CYRIB: variants seen among roughly 807,000 people sequenced by gnomAD.
CYRIB encodes the protein CYFIP related Rac1 interactor B, also known as CYFIP-related Rac1 interactor B.
CYRIB carries 8 observed loss-of-function variants against 44.2 expected under a neutral mutation model. That is an observed-to-expected ratio of 0.18 (90% CI 0.11 to 0.33). CYRIB has a LOEUF of 0.33. Ranked by LOEUF, CYRIB falls within the 10% of genes least tolerant of loss-of-function variation. The pLI, the probability that CYRIB is intolerant of heterozygous loss-of-function variation, is 1.00. For synonymous variants in CYRIB, 131 were observed against 127.2 expected, an observed-to-expected ratio of 1.03 and a Z score of -0.20; for missense variants, 185 against 382.8, an observed-to-expected ratio of 0.48 and a Z score of 4.31.
intron 4 of CYRIB, among the ~76,000 whole-genome samples, chr8:129,868,378 T>A (rs1419804862): frequency 6.6e-6 from 1 of 152,226 alleles, no homozygotes; most frequent in Non-Finnish European, 1.5e-5. Context: ...TTATTACTTA[T>A]CAATGTTTAA....
chr8:129,957,014 CTTTTCTTTTCTA>C (rs1251377928), intron 2 of CYRIB, among the ~76,000 whole-genome samples: 2 of 151,802 alleles, frequency 1.3e-5, no homozygotes, highest in African/African-American at 4.8e-5. Flanking sequence ...GATTTTTGTT[CTTTTCTTTTCTA>C]TTTTCTTTTT....
At chr8:129,986,100 T>C (rs2096445366) in intron 1 of CYRIB, among the ~76,000 whole-genome samples, 1 of 152,168 alleles carries the variant, frequency 6.6e-6, no homozygotes, top group Non-Finnish European at 1.5e-5. Context: ...CAGAAAGTAC[T>C]GCGATCTGTG....
chr8:129,899,257 G>A (rs2135527939), intron 2 of CYRIB, among the ~76,000 whole-genome samples: 1 of 152,250 alleles, frequency 6.6e-6, no homozygotes, highest in East Asian at 1.9e-4. Flanking sequence ...AATTTAAAAA[G>A]CAGGTCCCAT....
chr8:130,001,313 G>A (rs1402728459), intron 1 of CYRIB, among the ~76,000 whole-genome samples: 1 of 152,050 alleles, frequency 6.6e-6, no homozygotes, highest in Admixed American at 6.6e-5. Flanking sequence ...CTTGCTCCCT[G>A]GACGTCCAGG....
intron 1 of CYRIB, among the ~76,000 whole-genome samples, chr8:129,980,897 T>C (rs2132668387): frequency 6.6e-6 from 1 of 151,356 alleles, no homozygotes; most frequent in South Asian, 2.1e-4. Flanking sequence ...GGTGGGAGGA[T>C]CGCTTCAGCC....
At chr8:129,906,801 C>A (rs2075639985) in intron 1 of CYRIB, among the ~76,000 whole-genome samples, 1 of 152,186 alleles carries the variant, frequency 6.6e-6, no homozygotes, top group African/African-American at 2.4e-5. Flanking sequence ...AGGATACGAA[C>A]AGACACTTTC....
intron 8 of CYRIB, 79 bp from the exon 11 acceptor site, chr8:129,850,993 T>C (rs917081754): frequency 3.2e-6 from 3 of 931,082 alleles, no homozygotes; most frequent in African/African-American, 3.3e-5. Flanking sequence ...TTTAGCGTAA[T>C]ATGAAAAATT....
chr8:129,848,186 CAG>C (rs1457411764), intron 10 of CYRIB, among the ~76,000 whole-genome samples: 14 of 152,174 alleles, frequency 9.2e-5, no homozygotes, highest in Non-Finnish European at 1.2e-4. Flanking sequence ...AGAGTATTTT[CAG>C]AGTCACAAGG....
At chr8:129,948,033 T>C (rs1354365656) in intron 2 of CYRIB, 1 of 152,224 alleles carries the variant, frequency 6.6e-6, no homozygotes, top group Non-Finnish European at 1.5e-5. Context: ...TTTGTATTGC[T>C]TTAGAGCTGT....
At chr8:129,884,240 T>C (rs2061851604) in intron 2 of CYRIB, among the ~76,000 whole-genome samples, 1 of 152,126 alleles carries the variant, frequency 6.6e-6, no homozygotes, top group Non-Finnish European at 1.5e-5. Context: ...ACTAGTAAGA[T>C]TTCTAAGTTT....
intron 1 of CYRIB, among the ~76,000 whole-genome samples, chr8:129,909,844 C>T (rs1048078281): frequency 5.3e-5 from 8 of 152,210 alleles, no homozygotes; most frequent in Non-Finnish European, 7.4e-5. Flanking sequence ...ACAAGGGTCA[C>T]GCTCTTGCCT....
At position 129,961,006 on chromosome 8, in the gene CYRIB, C is replaced by T. The variant is rs7816243; in HGVS notation, c.-243+9937G>A. On this transcript the variant is annotated intron_variant, in intron 2 of 14. Coordinates refer to the CYRIB transcript ENST00000401979. ...AGAAACTAGGAAACTTACCAATCAC[C>T]TCACATTTCAGAAGCTTTGAAAGCC... Among the ~76,000 whole-genome samples the T allele has an allele frequency of 8.4e-3, 1,273 of 151,856 alleles. 6 individuals are homozygous for T. Among genetic ancestry groups the T allele is most frequent in the Middle Eastern group, 0.044 (13 of 294 alleles).
At chr8:130,010,826 T>A (rs2097197727) in intron 1 of CYRIB, among the ~76,000 whole-genome samples, 1 of 152,122 alleles carries the variant, frequency 6.6e-6, no homozygotes, top group Non-Finnish European at 1.5e-5. Context: ...GGTTGGATGA[T>A]CTCCTGGCCC....
intron 1 of CYRIB, among the ~76,000 whole-genome samples, chr8:129,977,828 G>A (rs991448741): frequency 1.8e-4 from 28 of 152,230 alleles, no homozygotes; most frequent in South Asian, 1.5e-3. Flanking sequence ...CACTGCTCCC[G>A]TCCTGTCCTC....
chr8:129,982,568 C>G (rs1177193711), intron 1 of CYRIB, among the ~76,000 whole-genome samples: 1 of 152,184 alleles, frequency 6.6e-6, no homozygotes, highest in Non-Finnish European at 1.5e-5. Flanking sequence ...TTTACCAATA[C>G]AGCACTTCTT....
At chr8:129,929,713 T>G (rs1056764601) in intron 1 of CYRIB, among the ~76,000 whole-genome samples, 1 of 152,132 alleles carries the variant, frequency 6.6e-6, no homozygotes, top group Non-Finnish European at 1.5e-5. Context: ...ATTATATAAG[T>G]GATTTTCACT....
intron 1 of CYRIB, among the ~76,000 whole-genome samples, chr8:129,938,552 A>G (rs547354067): frequency 6.6e-6 from 1 of 152,342 alleles, no homozygotes; most frequent in African/African-American, 2.4e-5. Context: ...TGTCTTATCC[A>G]GAATGGCACT....
intron 5 of CYRIB, among the ~76,000 whole-genome samples, chr8:129,856,813 T>C (rs1400090631): frequency 6.6e-6 from 1 of 152,208 alleles, no homozygotes; most frequent in East Asian, 1.9e-4. Context: ...CCCAAAGTTA[T>C]AGCTAGTAAA....
chr8:129,854,424 A>T, intron 6 of CYRIB, 81 bp from the exon 9 acceptor site: 1 of 960,866 alleles, frequency 1.0e-6, no homozygotes, highest in Non-Finnish European at 1.6e-6. Flanking sequence ...CTTTAGTTTT[A>T]ATTAGTATAA....
Sources: allele counts gnomAD v4.1 joint callset (sites outside exome capture counted in the v4.1 genomes callset), GRCh38; gene constraint gnomAD v4.1.1; transcripts MANE v1.5; gene names NCBI Gene and HGNC (gene_info 2026-07-23, HGNC 2026-07-21).